SLC39A9: variants seen among roughly 807,000 people sequenced by gnomAD.
The protein encoded by SLC39A9 is zinc transporter ZIP9.
SLC39A9 carries 14 observed loss-of-function variants against 28.4 expected under a neutral mutation model. That is an observed-to-expected ratio of 0.49 (90% confidence interval 0.33 to 0.77). The LOEUF (loss-of-function observed/expected upper bound fraction) is 0.77. SLC39A9 is among the 30% of genes least tolerant of loss of function. SLC39A9 has a pLI of 0.02. For synonymous variants in SLC39A9, 119 were observed against 149.6 expected, an observed-to-expected ratio of 0.80 and a Z score of 1.49; for missense variants, 283 against 381.1, an observed-to-expected ratio of 0.74 and a Z score of 2.14.
At chr14:69,424,637 G>A (rs1170520198) in intron 2 of SLC39A9, among the ~76,000 whole-genome samples, 3 of 151,936 alleles carry the variant, frequency 2.0e-5, no homozygotes, top group Non-Finnish European at 4.4e-5. Context: ...AATTAAAGAG[G>A]CCTTTCCTGA....
In SLC39A9 at chr14:69,459,860, T is replaced by G; in HGVS notation, c.*1267T>G. ...TTATCAGGACAACCACTTCTCGAAC[T>G]GTAATAATGAAGATAATAATATCTT... On this transcript the variant is annotated 3_prime_UTR_variant, in exon 7 of 7. Transcript: ENST00000336643. 1 of 985,212 alleles carries G rather than the reference T, an allele frequency of 1.0e-6. No individual in the cohort carries two copies. Among genetic ancestry groups the G allele is most frequent in the South Asian group, 4.7e-5 (1 of 21,286 alleles). 61.0% of individuals were successfully genotyped at this position (985,212 alleles called of 1,614,324 possible).
In SLC39A9 at chr14:69,454,857, G is replaced by A. The variant is rs534487237; in HGVS notation, c.518G>A (p.Ser173Asn). 1.3e-5 allele frequency: 21 copies of A among 1,613,968 alleles called. No homozygotes were observed. The highest frequency in any genetic ancestry group is 1.7e-5 in the Non-Finnish European group (20 of 1,179,996). Residue 173 changes from serine (S) to asparagine (N), a missense_variant, in exon 5 of 7, where the codon AGT (serine) becomes AAT (asparagine). By Grantham distance (46) the Ser-to-Asn change is conservative. Coordinates refer to ENST00000336643, the MANE Select transcript of SLC39A9 (RefSeq NM_018375.5). ...LGAAASTSQT[S>N]VQLIVFVAIM... is the part of the protein sequence containing the mutation. ...GCAGCAGCATCTACTTCACAGACCA[G>A]TGTCCAGTTAATTGTGTTTGTGGCA... is the stretch of plus-strand genomic sequence containing the variant.
intron 2 of SLC39A9, among the ~76,000 whole-genome samples, chr14:69,439,875 C>G (rs1018952434): frequency 2.6e-5 from 4 of 152,138 alleles, no homozygotes; most frequent in African/African-American, 4.8e-5. Context: ...GGACAGCCTG[C>G]AGAACTGTAA....
At position 69,399,412 on chromosome 14, in the gene SLC39A9, T is replaced by A. The variant is rs763998656; in HGVS notation, c.43T>A (p.Leu15Met). The A allele has an allele frequency of 4.3e-6, 7 of 1,614,132 alleles. No individual in the cohort carries two copies. In the South Asian group the frequency reaches 6.6e-5, roughly 15 times the overall value. ...ISISLLSLAM[L>M]VGCYVAGIIP... is the part of the protein sequence containing the mutation. The stretch of plus-strand genomic sequence containing the variant: ...CATTAGCCTGCTGTCTCTGGCTATG[T>A]TGGTGGGATGTTACGTGGCCGGAAT... Residue 15 changes from leucine (L) to methionine (M), a missense_variant, in exon 1 of 7, where the codon TTG becomes ATG. Physicochemically the swap from Leu to Met is conservative, Grantham distance 15. Coordinates refer to ENST00000336643, the MANE Select transcript of SLC39A9 (RefSeq NM_018375.5).
intron 3 of SLC39A9, among the ~76,000 whole-genome samples, chr14:69,451,748 C>G (rs963477874): frequency 6.6e-6 from 1 of 152,108 alleles, no homozygotes; most frequent in Non-Finnish European, 1.5e-5. Flanking sequence ...CAAGGTCTTG[C>G]TCTGTCACCC....
intron 3 of SLC39A9, among the ~76,000 whole-genome samples, chr14:69,444,507 C>T (rs1192680930): frequency 6.6e-6 from 1 of 152,178 alleles, no homozygotes; most frequent in African/African-American, 2.4e-5. Context: ...CTTAACAATA[C>T]ACCCGATTGG....
At chr14:69,425,644 A>T (rs771963843) in intron 2 of SLC39A9, among the ~76,000 whole-genome samples, 9 of 151,750 alleles carry the variant, frequency 5.9e-5, no homozygotes, top group African/African-American at 2.2e-4. Flanking sequence ...TGTTTCAGGT[A>T]TAGTTGGGGG....
intron 2 of SLC39A9, among the ~76,000 whole-genome samples, chr14:69,435,503 CCT>C: frequency 6.6e-6 from 1 of 152,128 alleles, no homozygotes. Flanking sequence ...AGTTTGACAA[CCT>C]CTGTCTTCTA....
At chr14:69,433,508 A>G (rs1439265051) in intron 2 of SLC39A9, among the ~76,000 whole-genome samples, 3 of 152,320 alleles carry the variant, frequency 2.0e-5, no homozygotes, top group South Asian at 2.1e-4. Context: ...AAAATCAATA[A>G]TATTTCTTCC....
chr14:69,458,895 A>G lies in SLC39A9; in HGVS notation c.*302A>G. On this transcript the variant is annotated 3_prime_UTR_variant, in exon 7 of 7. Coordinates refer to ENST00000336643, the MANE Select transcript of SLC39A9 (RefSeq NM_018375.5). ...TCAGGGAAGATGGAATTTAGTTTTA[A>G]GGAAAAGAGGAGAACTTCATACTCA... 5 of 1,101,838 alleles carry G rather than the reference A, an allele frequency of 4.5e-6. No homozygotes were observed. Among genetic ancestry groups the G allele is most frequent in the Non-Finnish European group, 5.5e-6 (5 of 903,324 alleles). 68.3% of individuals were successfully genotyped at this position (1,101,838 alleles called of 1,614,324 possible).
chr14:69,440,457 A>G (rs1884989661), intron 2 of SLC39A9, among the ~76,000 whole-genome samples: 3 of 152,084 alleles, frequency 2.0e-5, no homozygotes, highest in Non-Finnish European at 2.9e-5. Flanking sequence ...TTGGTAGCTC[A>G]CATCTGTAGT....
rs549031969 is a variant in SLC39A9 at position 69,439,062 on chromosome 14, GAACT to G, written c.206-3004_206-3001del. ...AAGGATTCCACACACAAAAAAATTA[GAACT>G]AATAAACAAATGCAGTTAAGTTGCA... On this transcript the variant is annotated intron_variant, in intron 2 of 6. Coordinates refer to ENST00000336643, the MANE Select transcript of SLC39A9 (RefSeq NM_018375.5). Among the ~76,000 whole-genome samples, 448 of 152,156 alleles carry G rather than the reference GAACT, an allele frequency of 2.9e-3. 3 individuals carry two copies. Among genetic ancestry groups the G allele is most frequent in the African/African-American group, 0.011 (436 of 41,506 alleles).
intron 2 of SLC39A9, among the ~76,000 whole-genome samples, chr14:69,427,775 A>G (rs1386839178): frequency 1.3e-5 from 2 of 152,262 alleles, no homozygotes; most frequent in Non-Finnish European, 2.9e-5. Flanking sequence ...ATGGATTTCA[A>G]AAAACTTTTT....
chr14:69,423,854 C>T (rs1047692756), intron 1 of SLC39A9, among the ~76,000 whole-genome samples: 2 of 149,710 alleles, frequency 1.3e-5, no homozygotes, highest in Non-Finnish European at 2.9e-5. Context: ...GCCGAGACCA[C>T]GCCACTGCCT....
chr14:69,447,893 A>G (rs1483471931), intron 3 of SLC39A9, among the ~76,000 whole-genome samples: 1 of 149,834 alleles, frequency 6.7e-6, no homozygotes, highest in Non-Finnish European at 1.5e-5. Context: ...AGCCTGGGCA[A>G]CAGAGGGAGG....
chr14:69,436,173 G>T (rs536759559), intron 2 of SLC39A9, among the ~76,000 whole-genome samples: 17 of 152,178 alleles, frequency 1.1e-4, no homozygotes, highest in Non-Finnish European at 1.8e-4. Flanking sequence ...AAGCTCAGGT[G>T]GGGGAGGATC....
intron 1 of SLC39A9, among the ~76,000 whole-genome samples, chr14:69,415,658 G>C (rs1386798869): frequency 6.6e-6 from 1 of 152,056 alleles, no homozygotes; most frequent in East Asian, 1.9e-4. Context: ...GATCAGGGGG[G>C]ATTCTTCTCT....
At position 69,460,090 on chromosome 14, in the gene SLC39A9, A is replaced by G. The variant is rs745975900; in HGVS notation, c.*1497A>G. 53 of 979,740 alleles carry G rather than the reference A, an allele frequency of 5.4e-5. No individual in the cohort carries two copies. The highest frequency in any genetic ancestry group is 6.2e-5 in the Non-Finnish European group (51 of 824,452). 60.7% of individuals were successfully genotyped at this position (979,740 alleles called of 1,614,324 possible). On this transcript the variant is annotated 3_prime_UTR_variant, in exon 7 of 7. Transcript: ENST00000336643. ...TTTGTAAACCCTGTCTTGTCAAATA[A>G]GTGTATAATATTGTATTATTAATTT...
chr14:69,449,277 A>G (rs1885488861), intron 3 of SLC39A9, among the ~76,000 whole-genome samples: 1 of 152,202 alleles, frequency 6.6e-6, no homozygotes. Context: ...GCTGTATCAC[A>G]CAGTTGGCCA....
Sources: allele counts gnomAD v4.1 joint callset (sites outside exome capture counted in the v4.1 genomes callset), GRCh38; gene constraint gnomAD v4.1.1; transcripts MANE v1.5; gene names NCBI Gene and HGNC (gene_info 2026-07-23, HGNC 2026-07-21).